The following ELAC2 variants were observed in gnomAD, a reference collection of about 807,000 sequenced individuals.
ELAC2 encodes the protein zinc phosphodiesterase ELAC protein 2.
ELAC2 carries 92 observed loss-of-function variants against 105.2 expected under a neutral mutation model. That is an observed-to-expected ratio of 0.87 (90% confidence interval 0.74 to 1.04). The LOEUF is 1.04. ELAC2 is among the 50% of genes least tolerant of loss of function. The pLI, the probability that ELAC2 is intolerant of heterozygous loss-of-function variation, is 0.00. For missense variants in ELAC2, 1,099 were observed against 1,071.7 expected (o/e 1.03, Z -0.36); for synonymous variants, 468 against 409.1 (o/e 1.14, Z -1.74).
intron 19 of ELAC2, 54 bp from the exon 20 acceptor site, chr17:12,995,116 A>G (rs2040406061): frequency 6.3e-7 from 1 of 1,589,644 alleles, no homozygotes; most frequent in Admixed American, 1.7e-5. Flanking sequence ...GGACATCTGG[A>G]ACCAAAGTTT....
intron 3 of ELAC2, 27 bp from the exon 4 acceptor site, chr17:13,015,859 T>A: frequency 3.1e-6 from 5 of 1,592,778 alleles, no homozygotes; most frequent in Non-Finnish European, 4.3e-6. Context: ...AAATCAGATC[T>A]CTCATCAATT....
intron 7 of ELAC2, among the ~76,000 whole-genome samples, chr17:13,011,379 G>A (rs986040732): frequency 2.6e-5 from 4 of 152,242 alleles, no homozygotes; most frequent in Admixed American, 1.3e-4. Context: ...AAATGAATCC[G>A]TTTGTCAGGC....
At chr17:13,016,731 G>C in intron 3 of ELAC2, 131 bp downstream of exon 3, 1 of 871,094 alleles carries the variant, frequency 1.1e-6, no homozygotes, top group Non-Finnish European at 1.7e-6. Context: ...AGTGAGCCAA[G>C]ATCACGCCAC....
rs4792309 is a variant in ELAC2, at chr17:13,004,887, T to C, written c.983+102A>G. The stretch of plus-strand genomic sequence containing the variant: ...CCGGCCTCTGAACTGTAAACCCAGA[T>C]AGTGGTCTTCCCAGAAACACAGCTC... On this transcript the variant is annotated intron_variant, in intron 11 of 23. Transcript: ENST00000338034. The C allele has an allele frequency of 0.28, 269,039 of 948,380 alleles. 40,161 individuals carry two copies. Among genetic ancestry groups the C allele is most frequent in the Middle Eastern group, 0.35 (1,330 of 3,836 alleles). 58.7% of individuals were successfully genotyped at this position (948,380 alleles called of 1,614,324 possible).
chr17:13,007,478 T>C (rs8079762), intron 8 of ELAC2, among the ~76,000 whole-genome samples: 41,861 of 152,056 alleles, frequency 0.28, 5,929 homozygotes, highest in Middle Eastern at 0.33. Flanking sequence ...ACAGTGATGA[T>C]TGATGGCTGA....
intron 14 of ELAC2, 180 bp from the exon 15 acceptor site, chr17:13,000,454 G>A: frequency 1.5e-6 from 1 of 660,074 alleles, no homozygotes; most frequent in Non-Finnish European, 2.7e-6. Flanking sequence ...TTTGGATGCT[G>A]CATCGCTCTG....
At chr17:12,995,679 G>T in intron 19 of ELAC2, 24 bp downstream of exon 19, 3 of 1,592,142 alleles carry the variant, frequency 1.9e-6, no homozygotes, top group Non-Finnish European at 2.6e-6. Context: ...CAGCCCAGCG[G>T]GCCAGGCTGC....
In ELAC2 at chr17:13,017,060, G is replaced by T; in HGVS notation, c.296+11C>A. The T allele has an allele frequency of 6.2e-7, 1 of 1,614,030 alleles. No homozygotes were observed. Among genetic ancestry groups the T allele is most frequent in the Non-Finnish European group, 8.5e-7 (1 of 1,179,974 alleles). On this transcript the variant is annotated intron_variant, in intron 2 of 23. Coordinates refer to ENST00000338034, the MANE Select transcript of ELAC2 (RefSeq NM_018127.7). ...ATCAACTCCCCCTCCGAAAGCAAGA[G>T]ACTGACTCACTTGTGCTCCTGCATG...
At chr17:13,010,559 A>T in intron 8 of ELAC2, 54 bp downstream of exon 8, 1 of 1,525,680 alleles carries the variant, frequency 6.6e-7, no homozygotes, top group South Asian at 1.1e-5. Context: ...TGCAAACCAG[A>T]GGTCGCTGAC....
At position 13,005,744 on chromosome 17, in the gene ELAC2, G is replaced by A; in HGVS notation, c.870+9C>T. On this transcript the variant is annotated intron_variant, in intron 10 of 23. Transcript: ENST00000338034. ...GTAACTGCTGAATCAAGAAAACCAG[G>A]CATCTCACCTCTCTTCCTTCATGAG... 1.2e-6 allele frequency: 2 copies of A among 1,614,012 alleles called. No individual in the cohort carries two copies. Among genetic ancestry groups the A allele is most frequent in the South Asian group, 2.2e-5 (2 of 91,084 alleles).
intron 5 of ELAC2, among the ~76,000 whole-genome samples, chr17:13,013,856 C>T (rs543126013): frequency 3.3e-5 from 5 of 152,216 alleles, no homozygotes; most frequent in African/African-American, 7.2e-5. Flanking sequence ...AGCAACTCAA[C>T]GACGAGAAGC....
At chr17:12,996,049 C>T in intron 17 of ELAC2, 71 bp from the exon 18 acceptor site, 1 of 1,522,106 alleles carries the variant, frequency 6.6e-7, no homozygotes, top group Non-Finnish European at 8.9e-7. Flanking sequence ...GGTCTGCAGC[C>T]CTCTCTCTTG....
In ELAC2 at chr17:13,000,281, GAAGA is replaced by G. The variant is rs768766446; in HGVS notation, c.1305-11_1305-8del. ...GCAAGTAATAATGGCATCCCTGCAGGAAGAGAGAGAAGCATCTCAGGTGACGGAC... is the reference window on the plus strand; with the variant it reads ...GCAAGTAATAATGGCATCCCTGCAGGGAGAGAAGCATCTCAGGTGACGGAC... On this transcript the variant is annotated splice_polypyrimidine_tract_variant and splice_region_variant and intron_variant, in intron 14 of 23. Transcript: ENST00000338034. 8.1e-6 allele frequency: 13 copies of G among 1,609,840 alleles called. No homozygotes were observed. In the South Asian group the frequency reaches 1.3e-4, roughly 16 times the overall value.
At chr17:13,010,465 G>T in intron 8 of ELAC2, 148 bp downstream of exon 8, 2 of 750,768 alleles carry the variant, frequency 2.7e-6, no homozygotes. Context: ...CACTGCACCC[G>T]GCCTTCCATC....
At chr17:13,003,768 T>C (rs949121044) in intron 11 of ELAC2, 194 bp from the exon 12 acceptor site, 1 of 609,126 alleles carries the variant, frequency 1.6e-6, no homozygotes, top group East Asian at 2.8e-5. Context: ...CCAATGGACG[T>C]GGGATTCCTG....
chr17:12,998,294 A>G lies in ELAC2; in HGVS notation c.1520+118T>C, dbSNP rs1053066128. 5.0e-6 allele frequency: 5 copies of G among 998,844 alleles called. No individual in the cohort carries two copies. The African/African-American group carries it at 8.0e-5, about 16-fold the overall frequency. 61.9% of individuals were successfully genotyped at this position (998,844 alleles called of 1,614,324 possible). A position where few individuals can be genotyped will look rare whatever the true frequency, so the allele number is the denominator to read the frequency against. ...TCCTCTCCTGGACACTCCAGTCGAC[A>G]TGACAAGTGACAGGGCTTGATACCG... On this transcript the variant is annotated intron_variant, in intron 16 of 23. Coordinates refer to ENST00000338034, the MANE Select transcript of ELAC2 (RefSeq NM_018127.7).
intron 17 of ELAC2, chr17:12,996,218 A>C (rs1189974492): frequency 3.2e-6 from 2 of 633,158 alleles, no homozygotes; most frequent in Non-Finnish European, 5.5e-6. Flanking sequence ...CCGGCACCCC[A>C]GGAGACCAAG....
chr17:12,996,497 T>TG (rs2040475542), intron 17 of ELAC2, 50 bp downstream of exon 17: 3 of 1,612,464 alleles, frequency 1.9e-6, no homozygotes. Context: ...CAACTCAACG[T>TG]GGCAGTGCCT....
Position 13,002,631 on chromosome 17 carries a change from C to G in ELAC2, c.1080-52G>C, listed in dbSNP as rs1471233705. The G allele has an allele frequency of 6.4e-6, 10 of 1,562,106 alleles. No individual in the cohort carries two copies. In the East Asian group the frequency reaches 2.1e-4, roughly 33 times the overall value. The stretch of plus-strand genomic sequence containing the variant: ...CAGCGTCTGTTAGGAGGCAGCTCCC[C>G]CTGAGGAGTGGTGCTGAGCTCAGGA... On this transcript the variant is annotated intron_variant, in intron 12 of 23. Transcript: ENST00000338034.
Sources: gnomAD v4.1 joint callset for allele counts (sites outside exome capture counted in the v4.1 genomes callset) on GRCh38, gnomAD v4.1.1 for gene constraint, MANE v1.5 for transcripts, NCBI Gene and HGNC (gene_info 2026-07-23, HGNC 2026-07-21) for gene names.